The following PTPRK variants were observed in gnomAD, a reference collection of about 807,000 sequenced individuals.
The protein encoded by PTPRK is protein tyrosine phosphatase receptor type K.
A neutral mutation model predicts 178.0 loss-of-function variants in PTPRK; 75 were observed. The ratio of observed to expected loss-of-function variants is 0.42; its 90% CI spans 0.35 to 0.51. The LOEUF is 0.51. Among genes scored for constraint, PTPRK ranks in the 20% least tolerant of loss-of-function variants. PTPRK has a pLI of 0.02. For synonymous variants in PTPRK, 637 were observed against 620.6 expected, an observed-to-expected ratio of 1.03 and a Z score of -0.39; for missense variants, 1,441 against 1,797.8, an observed-to-expected ratio of 0.80 and a Z score of 3.59.
In PTPRK at chr6:128,269,889, C is replaced by T. The variant is rs1297706698; in HGVS notation, c.496-27287G>A. ...ATTAGTCTGTAAAAGGTATTATAGT[C>T]TCCCAAAGCAACTCCTCTTATATAA... On this transcript the variant is annotated intron_variant, in intron 3 of 29. Coordinates refer to ENST00000368226, the MANE Select transcript of PTPRK (RefSeq NM_002844.4). 2.0e-5 allele frequency among the ~76,000 whole-genome samples: 3 copies of T among 152,090 alleles called. No individual in the cohort carries two copies. In the East Asian group the frequency reaches 5.8e-4, roughly 29 times the overall value.
chr6:128,465,135 C>T (rs1358360633), intron 1 of PTPRK, among the ~76,000 whole-genome samples: 1 of 150,242 alleles, frequency 6.7e-6, no homozygotes, highest in Non-Finnish European at 1.5e-5. Flanking sequence ...AAAGACAAGG[C>T]TGAAATGAAC....
chr6:128,097,336 C>T (rs1788081698), intron 7 of PTPRK, among the ~76,000 whole-genome samples: 1 of 152,120 alleles, frequency 6.6e-6, no homozygotes, highest in African/African-American at 2.4e-5. Flanking sequence ...AGCACATCAT[C>T]AATTAAAAAC....
At chr6:128,326,555 G>A (rs780632275) in intron 2 of PTPRK, among the ~76,000 whole-genome samples, 36 of 152,052 alleles carry the variant, frequency 2.4e-4, no homozygotes, top group Non-Finnish European at 4.0e-4. Flanking sequence ...ACATTTTATG[G>A]AAGATATTTA....
chr6:128,009,032 G>T, intron 14 of PTPRK, 98 bp downstream of exon 14: 1 of 1,136,038 alleles, frequency 8.8e-7, no homozygotes, highest in Admixed American at 2.5e-5. Flanking sequence ...TTTTCTTCCT[G>T]TTGTTTGTTC....
intron 15 of PTPRK, among the ~76,000 whole-genome samples, chr6:128,001,663 C>A (rs777940716): frequency 6.6e-6 from 1 of 151,210 alleles, no homozygotes; most frequent in Non-Finnish European, 1.5e-5. Context: ...ATAATAAAAC[C>A]CCATGAAAAA....
intron 1 of PTPRK, among the ~76,000 whole-genome samples, chr6:128,453,667 T>C (rs1848061713): frequency 1.3e-5 from 2 of 152,142 alleles, no homozygotes; most frequent in Non-Finnish European, 2.9e-5. Flanking sequence ...GGCAAGAGGA[T>C]AAATAATGTG....
intron 5 of PTPRK, among the ~76,000 whole-genome samples, chr6:128,238,639 A>T (rs9375557): frequency 0.096 from 14,576 of 152,216 alleles, 1,530 homozygotes; most frequent in East Asian, 0.34. Context: ...AATCATTTTT[A>T]AACTATTATT....
intron 2 of PTPRK, among the ~76,000 whole-genome samples, chr6:128,347,303 C>T (rs752710512): frequency 6.6e-6 from 1 of 152,012 alleles, no homozygotes; most frequent in South Asian, 2.1e-4. Context: ...AACTTCTATC[C>T]CTTTATGACC....
At chr6:128,022,845 G>A (rs905754125) in intron 13 of PTPRK, among the ~76,000 whole-genome samples, 2 of 152,150 alleles carry the variant, frequency 1.3e-5, no homozygotes, top group Non-Finnish European at 2.9e-5. Context: ...CACAATTTGA[G>A]AGACTAGAGA....
chr6:128,168,712 C>T (rs1020505254), intron 7 of PTPRK, among the ~76,000 whole-genome samples: 2 of 152,066 alleles, frequency 1.3e-5, no homozygotes, highest in African/African-American at 4.8e-5. Flanking sequence ...CACCCTGAAA[C>T]CATCCCCTGC....
intron 1 of PTPRK, among the ~76,000 whole-genome samples, chr6:128,488,229 T>C (rs1167043690): frequency 6.6e-6 from 1 of 152,204 alleles, no homozygotes; most frequent in African/African-American, 2.4e-5. Context: ...AGGAGAAAGA[T>C]GAAGGCCAGA....
At chr6:128,468,169 G>C (rs1219812903) in intron 1 of PTPRK, among the ~76,000 whole-genome samples, 1 of 152,176 alleles carries the variant, frequency 6.6e-6, no homozygotes, top group Non-Finnish European at 1.5e-5. Context: ...AGACTATTCT[G>C]ATTAGAGAAA....
chr6:128,371,887 AAAAG>A (rs1486892982), intron 2 of PTPRK, among the ~76,000 whole-genome samples: 2 of 151,970 alleles, frequency 1.3e-5, no homozygotes, highest in Non-Finnish European at 2.9e-5. Flanking sequence ...AAAAAAAAAA[AAAAG>A]AGAGAGAGAG....
intron 7 of PTPRK, among the ~76,000 whole-genome samples, chr6:128,159,069 G>A (rs1334734393): frequency 2.6e-5 from 4 of 151,724 alleles, no homozygotes; most frequent in African/African-American, 9.7e-5. Context: ...GGTAGTCAAT[G>A]AAATCAAAAT....
intron 1 of PTPRK, among the ~76,000 whole-genome samples, chr6:128,475,883 C>G (rs969812741): frequency 6.6e-6 from 1 of 151,852 alleles, no homozygotes; most frequent in Non-Finnish European, 1.5e-5. Context: ...AGTATATGGC[C>G]ATATCCATTA....
chr6:128,353,932 T>C (rs369789404), intron 2 of PTPRK, among the ~76,000 whole-genome samples: 3 of 152,206 alleles, frequency 2.0e-5, no homozygotes, highest in East Asian at 3.8e-4. Context: ...GTTGTGATAA[T>C]GTACTACAGT....
intron 13 of PTPRK, among the ~76,000 whole-genome samples, chr6:128,058,592 T>A (rs1284118612): frequency 1.3e-5 from 2 of 152,164 alleles, no homozygotes; most frequent in African/African-American, 4.8e-5. Flanking sequence ...CTCTGTAAAT[T>A]CTATTTTACT....
chr6:128,185,778 A>G (rs946840409), intron 6 of PTPRK, among the ~76,000 whole-genome samples: 1 of 152,134 alleles, frequency 6.6e-6, no homozygotes, highest in Non-Finnish European at 1.5e-5. Context: ...TGAAGAAGGT[A>G]CAAATAGAGG....
At chr6:128,442,532 C>CT (rs1255397334) in intron 1 of PTPRK, among the ~76,000 whole-genome samples, 3 of 152,166 alleles carry the variant, frequency 2.0e-5, no homozygotes, top group Admixed American at 6.5e-5. Flanking sequence ...ATAAGCCCTC[C>CT]TATATAGGAA....
Sources: gnomAD v4.1 joint callset for allele counts (sites outside exome capture counted in the v4.1 genomes callset) on GRCh38, gnomAD v4.1.1 for gene constraint, MANE v1.5 for transcripts, NCBI Gene and HGNC (gene_info 2026-07-23, HGNC 2026-07-21) for gene names.